Variants in CYREN observed in about 807,000 individuals in gnomAD.
The protein encoded by CYREN is cell cycle regulator of non-homologous end joining.
In CYREN, 7 loss-of-function variants were observed where a neutral mutation model predicts 9.7. The observed-to-expected ratio is 0.72, with a 90% CI of 0.41 to 1.36. CYREN has a LOEUF of 1.36. Ranked by LOEUF, CYREN falls within the 40% of genes most tolerant of loss-of-function variation. The pLI is 0.01. For missense variants in CYREN, 215 were observed against 198.1 expected, an observed-to-expected ratio of 1.09 and a Z score of -0.51; for synonymous variants, 76 against 77.9, an observed-to-expected ratio of 0.98 and a Z score of 0.13.
intron 2 of CYREN, among the ~76,000 whole-genome samples, chr7:135,121,551 G>C (rs1440319380): frequency 1.4e-5 from 2 of 145,680 alleles, no homozygotes; most frequent in East Asian, 2.0e-4. Flanking sequence ...AAGGGTAATA[G>C]GAAAAAAAAA....
Position 135,166,534 on chromosome 7 carries a change from G to A in CYREN, c.*77C>T. The A allele has an allele frequency of 6.6e-7, 1 of 1,507,402 alleles. No individual in the cohort carries two copies. The highest frequency in any genetic ancestry group is 8.8e-7 in the Non-Finnish European group (1 of 1,134,430). The allele number at this position is 1,507,402 out of a possible 1,614,324, so 93.4% of individuals were successfully genotyped here. Reference sequence around the variant, plus strand: ...CAGAGAGCCCCATTCCCACAGGCGGGCGGCCCAGCAGCACCAGTGGAAGCT... The same window carrying A: ...CAGAGAGCCCCATTCCCACAGGCGGACGGCCCAGCAGCACCAGTGGAAGCT... On this transcript the variant is annotated 3_prime_UTR_variant, in exon 4 of 4. Transcript: ENST00000393114.
At position 135,129,544 on chromosome 7, in the gene CYREN, T is replaced by C; in HGVS notation, n.357-34962A>G. ...AACAAGATGACATGTACTGGCTGTATGCAATATTTCTGTTGGATTTGCATG... is the reference window on the plus strand; with the variant it reads ...AACAAGATGACATGTACTGGCTGTACGCAATATTTCTGTTGGATTTGCATG... On this transcript the variant is annotated intron_variant and non_coding_transcript_variant, in intron 2 of 2. Coordinates refer to the CYREN transcript ENST00000459937. 5.2e-6 allele frequency: 4 copies of C among 772,316 alleles called. No homozygotes were observed. In the Admixed American group the frequency reaches 6.8e-5, roughly 13 times the overall value. 47.8% of individuals were successfully genotyped at this position (772,316 alleles called of 1,614,324 possible).
intron 2 of CYREN, among the ~76,000 whole-genome samples, chr7:135,114,624 T>C (rs1826067610): frequency 1.3e-5 from 2 of 152,096 alleles, no homozygotes; most frequent in Admixed American, 1.3e-4. Flanking sequence ...AAAATCCACA[T>C]ATGTACCCAG....
At chr7:135,141,016 T>TC (rs1829444007) in intron 2 of CYREN, among the ~76,000 whole-genome samples, 1 of 152,150 alleles carries the variant, frequency 6.6e-6, no homozygotes, top group Non-Finnish European at 1.5e-5. Flanking sequence ...CCTGAAGTTT[T>TC]CTTTTTTTCA....
chr7:135,121,270 G>A (rs977288631), intron 2 of CYREN, among the ~76,000 whole-genome samples: 6 of 152,050 alleles, frequency 3.9e-5, no homozygotes, highest in Admixed American at 1.3e-4. Flanking sequence ...AAAACAGAAA[G>A]GAGAAATAGA....
At chr7:135,131,046 T>G (rs1355871782) in intron 2 of CYREN, among the ~76,000 whole-genome samples, 1 of 152,034 alleles carries the variant, frequency 6.6e-6, no homozygotes, top group African/African-American at 2.4e-5. Context: ...GTGTCCAGAG[T>G]GAGCAAGGAC....
intron 2 of CYREN, chr7:135,147,823 T>C (rs1207280620): frequency 2.2e-6 from 1 of 456,162 alleles, no homozygotes; most frequent in African/African-American, 2.0e-5. Flanking sequence ...TTTAAATCAC[T>C]GGGAGCTTCG....
intron 2 of CYREN, chr7:135,134,851 G>T: frequency 6.5e-7 from 1 of 1,549,442 alleles, no homozygotes; most frequent in South Asian, 1.2e-5. Context: ...ACTAAATCCG[G>T]CTACTTGCAG....
At chr7:135,136,609 G>C (rs186649085) in intron 2 of CYREN, among the ~76,000 whole-genome samples, 1 of 151,986 alleles carries the variant, frequency 6.6e-6, no homozygotes, top group East Asian at 1.9e-4. Context: ...TTAATGTTCC[G>C]GATCATAGCA....
intron 2 of CYREN, among the ~76,000 whole-genome samples, chr7:135,137,438 T>C (rs766359263): frequency 3.3e-5 from 5 of 151,820 alleles, no homozygotes; most frequent in Admixed American, 6.6e-5. Flanking sequence ...ATGGGACTAC[T>C]GGAAGTAAAG....
intron 3 of CYREN, 125 bp from the exon 4 acceptor site, chr7:135,166,996 TACCCATATCCTGAGCACC>T: frequency 6.6e-7 from 1 of 1,507,922 alleles, no homozygotes; most frequent in Non-Finnish European, 8.8e-7. Flanking sequence ...CCAGGCAATG[TACCCATATCCTGAGCACC>T]CACCCTCTCT....
chr7:135,137,614 A>G (rs1399035529), intron 2 of CYREN, among the ~76,000 whole-genome samples: 1 of 152,106 alleles, frequency 6.6e-6, no homozygotes, highest in Admixed American at 6.6e-5. Context: ...TTATGTATAG[A>G]TAAGCAGGGA....
downstream of CYREN, chr7:135,164,964 G>A (rs1830054967): frequency 6.2e-7 from 1 of 1,604,224 alleles, no homozygotes; most frequent in Non-Finnish European, 8.5e-7. Flanking sequence ...CCCTCTGAGG[G>A]CTGAGAGGGC....
At chr7:135,129,183 G>C in intron 2 of CYREN, 1 of 1,423,074 alleles carries the variant, frequency 7.0e-7, no homozygotes. Flanking sequence ...GATGGCAGAT[G>C]TGGTGTACTG....
At position 135,130,799 on chromosome 7, in the gene CYREN, T is replaced by A. The variant is rs760480012; in HGVS notation, n.357-36217A>T. Among the ~76,000 whole-genome samples the A allele has an allele frequency of 3.4e-4, 51 of 152,154 alleles. 1 individual carries two copies. The highest frequency in any genetic ancestry group is 1.0e-3 in the African/African-American group (43 of 41,430). On this transcript the variant is annotated intron_variant and non_coding_transcript_variant, in intron 2 of 2. Coordinates refer to the CYREN transcript ENST00000459937. ...CTATGGGAATTTGGCTTCATACTCT[T>A]TTTTTGCAACAGCAGTGTTTTGGGT...
intron 2 of CYREN, among the ~76,000 whole-genome samples, chr7:135,125,587 C>CA (rs1470537779): frequency 1.3e-5 from 2 of 151,650 alleles, no homozygotes; most frequent in Non-Finnish European, 2.9e-5. Flanking sequence ...AGAGACACAA[C>CA]AAAAAAAAGA....
chr7:135,171,097 C>T (rs1296433233), upstream of CYREN, among the ~76,000 whole-genome samples: 5 of 152,210 alleles, frequency 3.3e-5, no homozygotes, highest in African/African-American at 1.2e-4. Flanking sequence ...AGGATGGGAG[C>T]CCGGCCTCGG....
At chr7:135,129,802 G>A (rs1405801261) in intron 2 of CYREN, 3 of 535,002 alleles carry the variant, frequency 5.6e-6, no homozygotes, top group Non-Finnish European at 1.1e-5. Flanking sequence ...GTCTTCCTGT[G>A]TAGAAGATAT....
intron 2 of CYREN, among the ~76,000 whole-genome samples, chr7:135,121,381 A>T (rs1827105779): frequency 6.6e-6 from 1 of 152,228 alleles, no homozygotes; most frequent in African/African-American, 2.4e-5. Context: ...CACTTCATCC[A>T]ACAACAGCAC....
Sources: gnomAD v4.1 joint callset for allele counts (sites outside exome capture counted in the v4.1 genomes callset) on GRCh38, gnomAD v4.1.1 for gene constraint, MANE v1.5 for transcripts, NCBI Gene and HGNC (gene_info 2026-07-23, HGNC 2026-07-21) for gene names.